GALNT1: variants seen among roughly 807,000 people sequenced by gnomAD.
GALNT1 encodes the protein polypeptide N-acetylgalactosaminyltransferase 1.
A neutral mutation model predicts 65.7 loss-of-function variants in GALNT1; 17 were observed. The ratio of observed to expected loss-of-function variants is 0.26; its 90% CI spans 0.18 to 0.39. The LOEUF is 0.39. GALNT1 is among the 10% of genes least tolerant of loss of function. GALNT1 has a pLI of 1.00. For missense variants in GALNT1, 460 were observed against 672.8 expected, an observed-to-expected ratio of 0.68 and a Z score of 3.50; for synonymous variants, 210 against 219.7, an observed-to-expected ratio of 0.96 and a Z score of 0.39.
intron 4 of GALNT1, among the ~76,000 whole-genome samples, chr18:35,682,984 A>G (rs1374589319): frequency 1.3e-5 from 2 of 151,566 alleles, no homozygotes; most frequent in Non-Finnish European, 2.9e-5. Flanking sequence ...CTTCTGAGGA[A>G]ATTTCACAAT....
At chr18:35,648,364 A>C (rs1178202044) in intron 1 of GALNT1, among the ~76,000 whole-genome samples, 3 of 152,208 alleles carry the variant, frequency 2.0e-5, no homozygotes, top group African/African-American at 7.2e-5. Context: ...GAGCACATTT[A>C]AGGTAGGCTA....
In GALNT1 at chr18:35,658,433, A is replaced by AGGGAAGAAATGATTAG. The variant is rs527505605; in HGVS notation, c.139+3640_139+3655dup. Among the ~76,000 whole-genome samples, 761 of 152,306 alleles carry AGGGAAGAAATGATTAG rather than the reference A, an allele frequency of 5.0e-3. 2 individuals carry two copies. The highest frequency in any genetic ancestry group is 8.3e-3 in the Non-Finnish European group (566 of 68,008). On this transcript the variant is annotated intron_variant, in intron 2 of 11. Transcript: ENST00000269195. The stretch of plus-strand genomic sequence containing the variant: ...ATCTTTGAGGTCCCTGGTAGTCTTA[A>AGGGAAGAAATGATTAG]GGGAAGAAATGATTAGGGGAAGAGC...
At chr18:35,626,164 G>A (rs573713457) in intron 1 of GALNT1, among the ~76,000 whole-genome samples, 4 of 152,136 alleles carry the variant, frequency 2.6e-5, no homozygotes, top group East Asian at 3.9e-4. Context: ...CACAACTCTC[G>A]GCATCTTTTG....
At chr18:35,603,467 AG>A (rs2046606927) in intron 1 of GALNT1, among the ~76,000 whole-genome samples, 1 of 152,102 alleles carries the variant, frequency 6.6e-6, no homozygotes, top group Non-Finnish European at 1.5e-5. Flanking sequence ...TCTGCAGAGG[AG>A]GGTAAAGCCA....
intron 5 of GALNT1, among the ~76,000 whole-genome samples, chr18:35,686,155 G>A (rs2047864434): frequency 1.3e-5 from 2 of 152,172 alleles, no homozygotes; most frequent in South Asian, 4.1e-4. Context: ...ATTCGTAATA[G>A]CAATGGCAGT....
At chr18:35,704,342 C>T (rs998451608) in intron 11 of GALNT1, among the ~76,000 whole-genome samples, 1 of 149,520 alleles carries the variant, frequency 6.7e-6, no homozygotes, top group African/African-American at 2.5e-5. Flanking sequence ...CAGGGTCTTG[C>T]TCTGTCACCC....
In GALNT1 at chr18:35,654,743, C is replaced by T; in HGVS notation, c.81C>T (p.Tyr27=). 6.3e-7 allele frequency: 1 copy of T among 1,580,422 alleles called. No homozygotes were observed. ...WVLLDMFLLL[Y]FSECNKCDEK... is the part of the protein sequence containing the mutation. Reference sequence around the variant, plus strand: ...TCTTGGATATGTTCCTGCTGCTTTACTTCAGTGAATGCAACAAATGTGATG... The same window carrying T: ...TCTTGGATATGTTCCTGCTGCTTTATTTCAGTGAATGCAACAAATGTGATG... The change falls in exon 2 of 12, where the codon TAC becomes TAT. Residue 27 remains tyrosine (Y), a synonymous_variant. Coordinates refer to ENST00000269195, the MANE Select transcript of GALNT1 (RefSeq NM_020474.4).
chr18:35,691,352 GT>G, intron 8 of GALNT1, 160 bp downstream of exon 8: 2 of 505,296 alleles, frequency 4.0e-6, no homozygotes, highest in Non-Finnish European at 6.7e-6. Context: ...AGTATAGAAA[GT>G]GCTTGGCAGA....
chr18:35,632,334 A>T (rs1234558626), intron 1 of GALNT1, among the ~76,000 whole-genome samples: 2 of 152,196 alleles, frequency 1.3e-5, no homozygotes, highest in East Asian at 3.9e-4. Flanking sequence ...ACAGCATGGT[A>T]CTGGTACCAA....
At chr18:35,634,016 G>C (rs1196812899) in intron 1 of GALNT1, among the ~76,000 whole-genome samples, 1 of 152,162 alleles carries the variant, frequency 6.6e-6, no homozygotes, top group Non-Finnish European at 1.5e-5. Flanking sequence ...GCTTTGCTTT[G>C]CAGTGTTCCA....
In GALNT1 at chr18:35,677,338, A is replaced by G. The variant is rs145501114; in HGVS notation, c.315-253A>G. 1.4e-4 allele frequency among the ~76,000 whole-genome samples: 22 copies of G among 152,348 alleles called. No homozygotes were observed. The East Asian group carries it at 3.7e-3, about 25-fold the overall frequency. Reference sequence around the variant, plus strand: ...CCATTAAAATGAATCACCTGAAAACATTCATCAGGAGGAAGTACCTAATTT... The same window carrying G: ...CCATTAAAATGAATCACCTGAAAACGTTCATCAGGAGGAAGTACCTAATTT... On this transcript the variant is annotated intron_variant, in intron 3 of 11. Coordinates refer to ENST00000269195, the MANE Select transcript of GALNT1 (RefSeq NM_020474.4).
intron 1 of GALNT1, among the ~76,000 whole-genome samples, chr18:35,624,151 T>C (rs564065351): frequency 1.6e-4 from 25 of 152,340 alleles, no homozygotes; most frequent in African/African-American, 4.6e-4. Context: ...TTGGAGTCTG[T>C]CCTGTGTTAT....
upstream of GALNT1, among the ~76,000 whole-genome samples, chr18:35,580,925 C>T (rs1193802783): frequency 6.6e-6 from 1 of 152,170 alleles, no homozygotes; most frequent in African/African-American, 2.4e-5. Flanking sequence ...CCCAAACAGT[C>T]CCCGTTCTGC....
intron 9 of GALNT1, among the ~76,000 whole-genome samples, chr18:35,702,374 A>G (rs1444566524): frequency 6.6e-6 from 1 of 152,200 alleles, no homozygotes; most frequent in Non-Finnish European, 1.5e-5. Flanking sequence ...TACCTAAAAT[A>G]TTCCTCCTAA....
chr18:35,706,663 ATGTT>A (rs2048267200), intron 11 of GALNT1, among the ~76,000 whole-genome samples: 1 of 152,076 alleles, frequency 6.6e-6, no homozygotes, highest in African/African-American at 2.4e-5. Flanking sequence ...AGCATTCAGG[ATGTT>A]TGTTAGGGAG....
At chr18:35,656,105 T>A (rs1426036546) in intron 2 of GALNT1, among the ~76,000 whole-genome samples, 16 of 152,360 alleles carry the variant, frequency 1.1e-4, no homozygotes, top group African/African-American at 3.8e-4. Context: ...TTACGATTCA[T>A]CAGTCAGAAA....
intron 9 of GALNT1, among the ~76,000 whole-genome samples, chr18:35,692,852 C>G (rs1186272239): frequency 6.6e-6 from 1 of 152,058 alleles, no homozygotes; most frequent in East Asian, 1.9e-4. Flanking sequence ...CAGGCCTACC[C>G]CAGGATTAAA....
chr18:35,649,667 C>G (rs2047284145), intron 1 of GALNT1, among the ~76,000 whole-genome samples: 1 of 151,786 alleles, frequency 6.6e-6, no homozygotes, highest in Non-Finnish European at 1.5e-5. Flanking sequence ...GAATCTTTGC[C>G]TAAGGTCTCA....
intron 1 of GALNT1, among the ~76,000 whole-genome samples, chr18:35,587,725 T>C (rs1488661547): frequency 6.6e-6 from 1 of 152,248 alleles, no homozygotes; most frequent in Non-Finnish European, 1.5e-5. Context: ...TTTGTACATA[T>C]GTTGCTGAAT....
Sources: gnomAD v4.1 joint callset for allele counts (sites outside exome capture counted in the v4.1 genomes callset) on GRCh38, gnomAD v4.1.1 for gene constraint, MANE v1.5 for transcripts, NCBI Gene and HGNC (gene_info 2026-07-23, HGNC 2026-07-21) for gene names.